CWH43: variants seen among roughly 807,000 people sequenced by gnomAD.
CWH43 encodes the protein PGAP2-interacting protein.
In CWH43, 91 loss-of-function variants were observed where a neutral mutation model predicts 85.7. That is an observed-to-expected ratio of 1.06 (90% CI 0.90 to 1.26). CWH43 has a LOEUF of 1.26. CWH43 is among the 50% of genes most tolerant of loss of function. CWH43 has a pLI of 0.00. For synonymous variants in CWH43, 323 were observed against 293.6 expected, an observed-to-expected ratio of 1.10 and a Z score of -1.02; for missense variants, 869 against 839.2, an observed-to-expected ratio of 1.04 and a Z score of -0.44.
rs746573645 is a variant in CWH43, at chr4:48,991,508, C to T, written c.290C>T (p.Ala97Val). 4.0e-5 allele frequency: 65 copies of T among 1,613,892 alleles called. No homozygotes were observed. Among genetic ancestry groups the T allele is most frequent in the East Asian group, 1.6e-4 (7 of 44,882 alleles). ...PNAKLRLMVL[A>V]LGVSSSLIVQ... ...GCCAAACTTCGACTGATGGTTCTTGCGCTTGGGGTGTCTTCCTCACTGATA... is the reference window on the plus strand; with the variant it reads ...GCCAAACTTCGACTGATGGTTCTTGTGCTTGGGGTGTCTTCCTCACTGATA... Residue 97 changes from alanine (A) to valine (V), a missense_variant, in exon 3 of 16, where the codon GCG becomes GTG. Around this residue, in one of 3 missense-constraint regions of CWH43, gnomAD observed 140 missense variants for 122.6 expected, o/e 1.14. Transcript: ENST00000226432.
intron 15 of CWH43, among the ~76,000 whole-genome samples, chr4:49,059,054 C>A (rs975744309): frequency 2.0e-5 from 3 of 151,958 alleles, no homozygotes; most frequent in Non-Finnish European, 4.4e-5. Context: ...AATAAGCTTT[C>A]TCTCCCTTTT....
chr4:48,991,420 C>CA, intron 2 of CWH43, 34 bp from the exon 3 acceptor site: 1 of 1,612,026 alleles, frequency 6.2e-7, no homozygotes, highest in Non-Finnish European at 8.5e-7. Context: ...CCATACTTGC[C>CA]AGAAATGCTT....
Position 49,031,167 on chromosome 4 carries a change from A to G in CWH43, c.1508+207A>G, listed in dbSNP as rs1274072527. On this transcript the variant is annotated intron_variant, in intron 11 of 15. Coordinates refer to ENST00000226432, the MANE Select transcript of CWH43 (RefSeq NM_025087.3). ...TGGATATTTCCAGTTCTTCAGCATT[A>G]TAAACCAATCAATCTAGGAGCTGAG... 2 of 478,422 alleles carry G rather than the reference A, an allele frequency of 4.2e-6. 1 individual carries two copies. Among genetic ancestry groups the G allele is most frequent in the South Asian group, 8.7e-5 (2 of 22,972 alleles). The allele number at this position is 478,422 out of a possible 1,614,324, so 29.6% of individuals were successfully genotyped here. A position where few individuals can be genotyped will look rare whatever the true frequency, so the allele number is the denominator to read the frequency against.
At chr4:49,061,510 C>T (rs1246534773) in intron 15 of CWH43, among the ~76,000 whole-genome samples, 1 of 152,128 alleles carries the variant, frequency 6.6e-6, no homozygotes, top group Non-Finnish European at 1.5e-5. Context: ...GCATTTCAGG[C>T]TTAATGGCCC....
intron 5 of CWH43, among the ~76,000 whole-genome samples, chr4:48,996,169 C>T (rs1410652431): frequency 6.6e-6 from 1 of 152,158 alleles, no homozygotes; most frequent in African/African-American, 2.4e-5. Context: ...GCAAGCCCTA[C>T]TCCCTTCAAA....
At chr4:49,044,996 A>C in intron 14 of CWH43, 149 bp downstream of exon 14, 1 of 620,408 alleles carries the variant, frequency 1.6e-6, no homozygotes, top group South Asian at 2.1e-5. Context: ...TGATTTGACT[A>C]TACAGTTTAA....
At chr4:49,039,589 C>G (rs1212804490) in intron 13 of CWH43, among the ~76,000 whole-genome samples, 2 of 150,442 alleles carry the variant, frequency 1.3e-5, no homozygotes, top group South Asian at 2.1e-4. Context: ...AAAATCTTAT[C>G]CGTCTTATGT....
At chr4:49,052,887 A>G (rs375730602) in intron 15 of CWH43, among the ~76,000 whole-genome samples, 1 of 152,148 alleles carries the variant, frequency 6.6e-6, no homozygotes, top group South Asian at 2.1e-4. Flanking sequence ...ATCTCCAGAA[A>G]TTTTTCATCC....
rs370913446 is a variant in CWH43 at position 49,043,245 on chromosome 4, G to T, written c.1804-1541G>T. 2.0e-5 allele frequency among the ~76,000 whole-genome samples: 3 copies of T among 152,196 alleles called. No individual in the cohort carries two copies. The East Asian group carries it at 5.8e-4, about 29-fold the overall frequency. On this transcript the variant is annotated intron_variant, in intron 13 of 15. Transcript: ENST00000226432. The stretch of plus-strand genomic sequence containing the variant: ...CTCAGACTTACATGACATATATTAT[G>T]TGTGTCTGGCTGTATGTTGAAAATC...
intron 5 of CWH43, 134 bp from the exon 6 acceptor site, chr4:48,998,326 C>G (rs1782880460): frequency 1.5e-6 from 1 of 651,328 alleles, no homozygotes; most frequent in African/African-American, 1.8e-5. Context: ...AGTGGGCTCT[C>G]ATGATCTCAC....
chr4:49,015,293 A>C (rs192671935), intron 8 of CWH43, among the ~76,000 whole-genome samples: 2 of 129,374 alleles, frequency 1.5e-5, no homozygotes, highest in African/African-American at 5.8e-5. Flanking sequence ...CCTCCTCCCC[A>C]CTCCTCTTTC....
At chr4:49,038,300 G>GA in intron 13 of CWH43, 120 bp downstream of exon 13, 2 of 734,790 alleles carry the variant, frequency 2.7e-6, no homozygotes, top group Non-Finnish European at 4.3e-6. Context: ...CTGCTGCCTA[G>GA]AAAATCACCA....
At chr4:49,001,752 G>A (rs1012459246) in intron 6 of CWH43, among the ~76,000 whole-genome samples, 3 of 152,102 alleles carry the variant, frequency 2.0e-5, no homozygotes, top group Non-Finnish European at 4.4e-5. Flanking sequence ...ATAAATTTGA[G>A]AGATGTTTTC....
intron 15 of CWH43, among the ~76,000 whole-genome samples, chr4:49,056,909 T>C (rs1784981924): frequency 6.6e-6 from 1 of 152,210 alleles, no homozygotes; most frequent in Admixed American, 6.5e-5. Flanking sequence ...CTTTGATCCA[T>C]TGTCTGTTTA....
intron 5 of CWH43, among the ~76,000 whole-genome samples, chr4:48,996,036 C>T (rs1782799511): frequency 6.6e-6 from 1 of 151,730 alleles, no homozygotes; most frequent in Non-Finnish European, 1.5e-5. Context: ...CTTACCTTTC[C>T]AAATGCTTTC....
In CWH43 at chr4:49,032,580, C is replaced by T; in HGVS notation, c.1523C>T (p.Ser508Leu). 1 of 1,613,938 alleles carries T rather than the reference C, an allele frequency of 6.2e-7. No homozygotes were observed. The highest frequency in any genetic ancestry group is 8.5e-7 in the Non-Finnish European group (1 of 1,179,910). Residue 508 changes from serine to leucine, a missense_variant, in exon 12 of 16, where the codon TCA (serine) becomes TTA (leucine). Around this residue, in one of 3 missense-constraint regions of CWH43, gnomAD observed 577 missense variants for 513.1 expected, o/e 1.12. Coordinates refer to ENST00000226432, the MANE Select transcript of CWH43 (RefSeq NM_025087.3). ...TTCCAATACAGGATTATGGCTTTGT[C>T]AAGATACCCAATTGTGAAATCTGAG... Reference protein sequence around the residue: ...RYHTWGIMALSRYPIVKSEHH... With the variant: ...RYHTWGIMALLRYPIVKSEHH...
intron 13 of CWH43, among the ~76,000 whole-genome samples, chr4:49,040,391 A>T (rs1784420780): frequency 6.6e-6 from 1 of 152,132 alleles, no homozygotes. Context: ...ATTTCTCCAC[A>T]TCCTCTCCAG....
chr4:49,005,600 C>T (rs2109764054), intron 7 of CWH43, among the ~76,000 whole-genome samples: 1 of 147,338 alleles, frequency 6.8e-6, no homozygotes, highest in South Asian at 2.2e-4. Flanking sequence ...TGTTCTGTTC[C>T]TCCAGCTGGA....
intron 9 of CWH43, among the ~76,000 whole-genome samples, chr4:49,021,893 C>A (rs574367522): frequency 6.6e-6 from 1 of 152,044 alleles, no homozygotes; most frequent in Admixed American, 6.6e-5. Context: ...AATTTGTGTA[C>A]ACTAATTTTG....
Sources: gnomAD v4.1 joint callset for allele counts (sites outside exome capture counted in the v4.1 genomes callset) on GRCh38, gnomAD v4.1.1 for gene constraint, gnomAD v4.1.1 regional missense constraint, MANE v1.5 for transcripts, NCBI Gene and HGNC (gene_info 2026-07-23, HGNC 2026-07-21) for gene names.